Variants in THSD7B observed in about 807,000 individuals in gnomAD.
The protein encoded by THSD7B is thrombospondin type 1 domain containing 7B.
A neutral mutation model predicts 213.6 loss-of-function variants in THSD7B; 138 were observed. The ratio of observed to expected loss-of-function variants is 0.65; its 90% CI spans 0.56 to 0.74. The LOEUF is 0.74. Among genes scored for constraint, THSD7B ranks in the 30% least tolerant of loss-of-function variants. The pLI, the probability that THSD7B is intolerant of heterozygous loss-of-function variation, is 0.00. For missense variants in THSD7B, 1,931 were observed against 1,991.5 expected (o/e 0.97, Z 0.58); for synonymous variants, 742 against 687.0 (o/e 1.08, Z -1.25).
At chr2:137,066,028 G>A (rs1290609585) in intron 3 of THSD7B, among the ~76,000 whole-genome samples, 1 of 151,684 alleles carries the variant, frequency 6.6e-6, no homozygotes, top group African/African-American at 2.4e-5. Context: ...GTAGATCTGA[G>A]TTTCTAACCT....
In THSD7B at chr2:137,129,543, G is replaced by C. The variant is rs1264220787; in HGVS notation, c.1369+14250G>C. Reference sequence around the variant, plus strand: ...TAGCCTCAGCCTCCTGGGCTCAGGTGATCCTCCTGCCTCAGCCTCCCAAGT... The same window carrying C: ...TAGCCTCAGCCTCCTGGGCTCAGGTCATCCTCCTGCCTCAGCCTCCCAAGT... On this transcript the variant is annotated intron_variant, in intron 5 of 27. Transcript: ENST00000409968. Among the ~76,000 whole-genome samples, 5 of 151,958 alleles carry C rather than the reference G, an allele frequency of 3.3e-5. No homozygotes were observed. In the South Asian group the frequency reaches 1.0e-3, roughly 32 times the overall value.
At chr2:136,807,441 T>C (rs1468879805) in intron 1 of THSD7B, among the ~76,000 whole-genome samples, 1 of 151,900 alleles carries the variant, frequency 6.6e-6, no homozygotes, top group Non-Finnish European at 1.5e-5. Flanking sequence ...GCTTCTGCAT[T>C]CCTTTGACAT....
chr2:136,841,374 T>C (rs1449001107), intron 1 of THSD7B, among the ~76,000 whole-genome samples: 1 of 151,684 alleles, frequency 6.6e-6, no homozygotes, highest in East Asian at 1.9e-4. Flanking sequence ...GGCAGGCGGA[T>C]CACAATGTCA....
intron 14 of THSD7B, among the ~76,000 whole-genome samples, chr2:137,448,527 T>TGG (rs1019846031): frequency 2.4e-4 from 37 of 152,232 alleles, no homozygotes; most frequent in Admixed American, 1.5e-3. Context: ...TACCCTTTCC[T>TGG]GGCTGGCCGC....
At position 136,811,740 on chromosome 2, in the gene THSD7B, G is replaced by A. The variant is rs186190617; in HGVS notation, c.-36+46053G>A. On this transcript the variant is annotated intron_variant, in intron 1 of 27. Coordinates refer to ENST00000409968, the MANE Select transcript of THSD7B (RefSeq NM_001316349.2). ...AATTATTTTCCATTATTTCACCGTCGGGAAATTTTACACAAGACGTATGAT... is the reference window on the plus strand; with the variant it reads ...AATTATTTTCCATTATTTCACCGTCAGGAAATTTTACACAAGACGTATGAT... 3.5e-4 allele frequency among the ~76,000 whole-genome samples: 53 copies of A among 152,132 alleles called. 1 individual carries two copies. The highest frequency in any genetic ancestry group is 1.2e-3 in the African/African-American group (48 of 41,514).
intron 20 of THSD7B, among the ~76,000 whole-genome samples, chr2:137,629,279 A>C (rs1267706807): frequency 6.6e-6 from 1 of 152,206 alleles, no homozygotes; most frequent in African/African-American, 2.4e-5. Flanking sequence ...CAATGCAAGG[A>C]GACAAGAAAT....
chr2:136,986,284 T>G (rs1685671312), intron 2 of THSD7B, among the ~76,000 whole-genome samples: 1 of 152,204 alleles, frequency 6.6e-6, no homozygotes, highest in African/African-American at 2.4e-5. Flanking sequence ...ATGATTTGGA[T>G]GTTTGTCCCC....
intron 1 of THSD7B, among the ~76,000 whole-genome samples, chr2:136,769,261 C>T (rs999881847): frequency 2.6e-5 from 4 of 152,152 alleles, no homozygotes; most frequent in African/African-American, 9.6e-5. Flanking sequence ...TGAATTCCTA[C>T]ATTTATGCTT....
intron 2 of THSD7B, among the ~76,000 whole-genome samples, chr2:136,950,369 A>G (rs1297362187): frequency 6.6e-6 from 1 of 152,212 alleles, no homozygotes; most frequent in Non-Finnish European, 1.5e-5. Flanking sequence ...CCACCATGGC[A>G]CATGTATACA....
At chr2:137,143,448 G>T (rs1679633014) in intron 5 of THSD7B, among the ~76,000 whole-genome samples, 1 of 152,138 alleles carries the variant, frequency 6.6e-6, no homozygotes, top group African/African-American at 2.4e-5. Context: ...GGATTTAGGA[G>T]TTCAACAGTT....
intron 15 of THSD7B, among the ~76,000 whole-genome samples, chr2:137,557,448 C>A (rs1457706576): frequency 6.6e-6 from 1 of 152,114 alleles, no homozygotes; most frequent in African/African-American, 2.4e-5. Flanking sequence ...ACTGAACAAC[C>A]TGCTCCTGAA....
intron 3 of THSD7B, among the ~76,000 whole-genome samples, chr2:137,075,856 G>T (rs966085803): frequency 3.9e-5 from 6 of 152,208 alleles, no homozygotes; most frequent in African/African-American, 1.4e-4. Context: ...GTCCACTCCA[G>T]ACACTGTTTG....
intron 5 of THSD7B, among the ~76,000 whole-genome samples, chr2:137,154,333 C>A (rs1432221): frequency 0.7 from 106,787 of 151,914 alleles, 37,732 homozygotes; most frequent in Non-Finnish European, 0.74. Context: ...GCCTTGCCAG[C>A]ATTACCTCAA....
At chr2:136,830,684 C>T (rs530678952) in intron 1 of THSD7B, among the ~76,000 whole-genome samples, 1 of 152,254 alleles carries the variant, frequency 6.6e-6, no homozygotes, top group East Asian at 1.9e-4. Context: ...CTTGTCTCTT[C>T]TAAACACCTT....
chr2:137,290,518 T>C (rs1357984285), intron 12 of THSD7B, among the ~76,000 whole-genome samples: 1 of 152,048 alleles, frequency 6.6e-6, no homozygotes, highest in Non-Finnish European at 1.5e-5. Context: ...CACTGAAACC[T>C]TACATGGCAT....
chr2:136,778,386 A>G (rs1387226072), intron 1 of THSD7B, among the ~76,000 whole-genome samples: 1 of 152,166 alleles, frequency 6.6e-6, no homozygotes, highest in Non-Finnish European at 1.5e-5. Flanking sequence ...ACTCAGTTCA[A>G]GCTTTGGTGT....
intron 2 of THSD7B, among the ~76,000 whole-genome samples, chr2:136,983,928 A>G (rs1210306038): frequency 6.6e-6 from 1 of 152,242 alleles, no homozygotes; most frequent in African/African-American, 2.4e-5. Context: ...CAATGACAGT[A>G]AAGATTCACT....
intron 5 of THSD7B, among the ~76,000 whole-genome samples, chr2:137,135,973 TA>T (rs34259594): frequency 0.67 from 101,309 of 151,802 alleles, 35,745 homozygotes; most frequent in Non-Finnish European, 0.77. Flanking sequence ...TATGCAGCCA[TA>T]AAAAAGGATG....
intron 2 of THSD7B, among the ~76,000 whole-genome samples, chr2:137,005,244 A>G (rs1370708964): frequency 6.6e-6 from 1 of 152,366 alleles, no homozygotes; most frequent in South Asian, 2.1e-4. Flanking sequence ...TTGAGCCACC[A>G]AATGTTTATG....
Sources: gnomAD v4.1 joint callset for allele counts (sites outside exome capture counted in the v4.1 genomes callset) on GRCh38, gnomAD v4.1.1 for gene constraint, MANE v1.5 for transcripts, NCBI Gene and HGNC (gene_info 2026-07-23, HGNC 2026-07-21) for gene names.